PLD1: variants seen among roughly 807,000 people sequenced by gnomAD.
PLD1 encodes phospholipase D1.
A neutral mutation model predicts 137.1 loss-of-function variants in PLD1; 112 were observed. The observed-to-expected ratio is 0.82, with a 90% CI of 0.70 to 0.96. The LOEUF is 0.96. Among genes scored for constraint, PLD1 ranks in the 40% least tolerant of loss-of-function variants. The pLI is 0.00. For missense variants in PLD1, 1,321 were observed against 1,342.0 expected (o/e 0.98, Z 0.24); for synonymous variants, 431 against 454.7 (o/e 0.95, Z 0.66).
intron 18 of PLD1, among the ~76,000 whole-genome samples, chr3:171,675,154 AT>A (rs1177630839): frequency 6.6e-6 from 1 of 152,056 alleles, no homozygotes; most frequent in Non-Finnish European, 1.5e-5. Flanking sequence ...ATATTGTTTT[AT>A]ATTTGTAAAG....
At chr3:171,675,837 T>C (rs1370823262) in intron 18 of PLD1, among the ~76,000 whole-genome samples, 1 of 142,478 alleles carries the variant, frequency 7.0e-6, no homozygotes, top group African/African-American at 2.7e-5. Context: ...AACACCTGAA[T>C]ATGTACTTTT....
At chr3:171,755,960 C>G (rs1434827012) in intron 1 of PLD1, among the ~76,000 whole-genome samples, 1 of 152,186 alleles carries the variant, frequency 6.6e-6, no homozygotes, top group Non-Finnish European at 1.5e-5. Context: ...TTGGAAACAT[C>G]ATCTACCCAG....
intron 22 of PLD1, among the ~76,000 whole-genome samples, chr3:171,644,062 C>T (rs1463848374): frequency 6.6e-6 from 1 of 152,140 alleles, no homozygotes; most frequent in East Asian, 1.9e-4. Flanking sequence ...CCGATTTGAC[C>T]AAGGCCCTGA....
intron 9 of PLD1, among the ~76,000 whole-genome samples, chr3:171,710,293 C>A (rs1717070302): frequency 6.6e-6 from 1 of 152,076 alleles, no homozygotes; most frequent in Non-Finnish European, 1.5e-5. Flanking sequence ...GATCTCCTGA[C>A]CTCGTGATCC....
chr3:171,758,257 T>A (rs996504455), intron 1 of PLD1, among the ~76,000 whole-genome samples: 1 of 152,232 alleles, frequency 6.6e-6, no homozygotes, highest in Non-Finnish European at 1.5e-5. Context: ...GAGGGATTGG[T>A]CATGTGCTCA....
chr3:171,631,653 G>C (rs774926443), intron 23 of PLD1, among the ~76,000 whole-genome samples: 1 of 152,058 alleles, frequency 6.6e-6, no homozygotes, highest in Non-Finnish European at 1.5e-5. Context: ...GATGATTAGC[G>C]GGGACATGTC....
chr3:171,752,904 G>A (rs1044113756), intron 1 of PLD1, among the ~76,000 whole-genome samples: 2 of 152,148 alleles, frequency 1.3e-5, no homozygotes, highest in African/African-American at 4.8e-5. Context: ...TGTAATGCCT[G>A]GCACACATGA....
chr3:171,682,298 CAT>C (rs1714097221), intron 16 of PLD1, among the ~76,000 whole-genome samples: 1 of 152,050 alleles, frequency 6.6e-6, no homozygotes. Flanking sequence ...TTTTGAAAAA[CAT>C]ATATTTCAGA....
At chr3:171,724,843 C>T in intron 7 of PLD1, 55 bp from the exon 8 acceptor site, 1 of 995,182 alleles carries the variant, frequency 1.0e-6, no homozygotes, top group African/African-American at 1.6e-5. Flanking sequence ...TCCCACTTAG[C>T]TCGTACAGCC....
chr3:171,644,575 C>A (rs755538470), intron 22 of PLD1, among the ~76,000 whole-genome samples: 11 of 152,160 alleles, frequency 7.2e-5, no homozygotes, highest in Non-Finnish European at 1.2e-4. Context: ...TCTCTATTTA[C>A]TGCAAAGTAC....
chr3:171,757,737 A>C (rs1026989790), intron 1 of PLD1, among the ~76,000 whole-genome samples: 8 of 152,250 alleles, frequency 5.3e-5, no homozygotes, highest in Non-Finnish European at 1.2e-4. Context: ...AAACGAAACA[A>C]AACAAAATGA....
intron 23 of PLD1, among the ~76,000 whole-genome samples, chr3:171,640,771 C>A (rs1307330687): frequency 3.3e-5 from 5 of 152,178 alleles, no homozygotes; most frequent in South Asian, 2.1e-4. Flanking sequence ...CCTACACAGA[C>A]CCATGACCTT....
chr3:171,638,189 A>G (rs1468209524), intron 23 of PLD1, among the ~76,000 whole-genome samples: 1 of 150,784 alleles, frequency 6.6e-6, no homozygotes, highest in African/African-American at 2.4e-5. Context: ...CGTCTCAAAA[A>G]AAAAAAAAAA....
At chr3:171,684,854 T>A (rs1345490594) in intron 16 of PLD1, among the ~76,000 whole-genome samples, 1 of 152,234 alleles carries the variant, frequency 6.6e-6, no homozygotes, top group Non-Finnish European at 1.5e-5. Flanking sequence ...CCCAAATTGC[T>A]GGGATTACAG....
chr3:171,680,717 TGA>T (rs1030292347), intron 16 of PLD1, among the ~76,000 whole-genome samples: 5 of 152,138 alleles, frequency 3.3e-5, no homozygotes, highest in African/African-American at 1.2e-4. Context: ...AGTCTTTCCT[TGA>T]GATTTCTGCT....
chr3:171,808,815 A>ATTTTTTTTTTTTTTTTTTTTTT lies in PLD1; in HGVS notation c.-32+1562_-32+1583dup, dbSNP rs60146546. On this transcript the variant is annotated intron_variant, in intron 1 of 26. Coordinates refer to ENST00000351298, the MANE Select transcript of PLD1 (RefSeq NM_002662.5). ...TTTTTCCTCAAAGCCTTAGCATTCA[A>ATTTTTTTTTTTTTTTTTTTTTT]TTTTTTTTTTTTTTTTTTTTTTTTT... Among the ~76,000 whole-genome samples, 42 of 86,234 alleles carry ATTTTTTTTTTTTTTTTTTTTTT rather than the reference A, an allele frequency of 4.9e-4. 3 individuals carry two copies. The highest frequency in any genetic ancestry group is 1.1e-3 in the African/African-American group (22 of 20,672). 56.6% of individuals were successfully genotyped at this position (86,234 alleles called of 152,430 possible). A position where few individuals can be genotyped will look rare whatever the true frequency, so the allele number is the denominator to read the frequency against.
intron 12 of PLD1, among the ~76,000 whole-genome samples, chr3:171,698,462 A>G (rs538089826): frequency 9.2e-5 from 14 of 152,334 alleles, no homozygotes; most frequent in African/African-American, 2.9e-4. Context: ...AGGTCTGACT[A>G]TATTTGTGGA....
chr3:171,762,097 A>C (rs995793325), intron 1 of PLD1, among the ~76,000 whole-genome samples: 1 of 152,206 alleles, frequency 6.6e-6, no homozygotes, highest in African/African-American at 2.4e-5. Context: ...CTCTGAGCAA[A>C]GGTGGTGGGT....
intron 1 of PLD1, among the ~76,000 whole-genome samples, chr3:171,775,902 C>T (rs1722575034): frequency 6.6e-6 from 1 of 151,790 alleles, no homozygotes; most frequent in South Asian, 2.1e-4. Flanking sequence ...AAGAAAAAGC[C>T]ACAGGAAAAC....
Sources: allele counts gnomAD v4.1 joint callset (sites outside exome capture counted in the v4.1 genomes callset), GRCh38; gene constraint gnomAD v4.1.1; transcripts MANE v1.5; gene names NCBI Gene and HGNC (gene_info 2026-07-23, HGNC 2026-07-21).